THSD4: variants seen among roughly 807,000 people sequenced by gnomAD.
The protein encoded by THSD4 is thrombospondin type 1 domain containing 4.
A neutral mutation model predicts 119.0 loss-of-function variants in THSD4; 69 were observed. That is an observed-to-expected ratio of 0.58 (90% CI 0.48 to 0.71). THSD4 has a LOEUF of 0.71. Ranked by LOEUF, THSD4 falls within the 30% of genes least tolerant of loss-of-function variation. The pLI, the probability that THSD4 is intolerant of heterozygous loss-of-function variation, is 0.00. For synonymous variants in THSD4, 524 were observed against 540.4 expected, an observed-to-expected ratio of 0.97 and a Z score of 0.42; for missense variants, 1,393 against 1,391.1, an observed-to-expected ratio of 1.00 and a Z score of -0.02.
In THSD4 at chr15:71,421,317, T is replaced by TG. The variant is rs1219707062; in HGVS notation, c.1152+9494_1152+9495insG. On this transcript the variant is annotated intron_variant, in intron 7 of 17. Coordinates refer to ENST00000261862, the MANE Select transcript of THSD4 (RefSeq NM_024817.3). ...TTAACATCATTTTCTTTCTAGTCTC[T>TG]TTCTACTCCCTTTAGTATTTCTTGT... Among the ~76,000 whole-genome samples the TG allele has an allele frequency of 4.1e-4, 43 of 105,526 alleles. 1 individual carries two copies. In the Admixed American group the frequency reaches 4.5e-3, roughly 11 times the overall value. The allele number at this position is 105,526 out of a possible 152,430, so 69.2% of individuals were successfully genotyped here.
chr15:71,184,432 G>A (rs1002984217), intron 3 of THSD4, among the ~76,000 whole-genome samples: 3 of 151,802 alleles, frequency 2.0e-5, no homozygotes, highest in African/African-American at 7.2e-5. Flanking sequence ...CTTGTTAAGA[G>A]TTACACAGAT....
chr15:71,425,799 G>C (rs903978376), intron 7 of THSD4, among the ~76,000 whole-genome samples: 7 of 152,204 alleles, frequency 4.6e-5, no homozygotes, highest in Admixed American at 3.9e-4. Flanking sequence ...ACTCATCACA[G>C]AGTTTTCTCA....
chr15:71,569,075 C>A (rs1005650830), intron 7 of THSD4, among the ~76,000 whole-genome samples: 10 of 152,150 alleles, frequency 6.6e-5, no homozygotes, highest in Non-Finnish European at 1.5e-4. Flanking sequence ...GCCTTCTTTT[C>A]TAAAAATAGA....
chr15:71,126,189 A>G (rs1193604475), intron 1 of THSD4, among the ~76,000 whole-genome samples: 9 of 152,188 alleles, frequency 5.9e-5, no homozygotes, highest in Non-Finnish European at 1.2e-4. Context: ...CCTAGTGGAC[A>G]GTCAGGGCTC....
At position 71,449,341 on chromosome 15, in the gene THSD4, T is replaced by G. The variant is rs559275787; in HGVS notation, c.1152+37518T>G. Among the ~76,000 whole-genome samples, 133 of 152,328 alleles carry G rather than the reference T, an allele frequency of 8.7e-4. 3 individuals carry two copies. The South Asian group carries it at 0.026, about 30-fold the overall frequency. ...ACATTATTTGGGGGTACATTGATACTGTTTCTATGTGGCATTTCAGACACT... is the reference window on the plus strand; with the variant it reads ...ACATTATTTGGGGGTACATTGATACGGTTTCTATGTGGCATTTCAGACACT... On this transcript the variant is annotated intron_variant, in intron 7 of 17. Coordinates refer to ENST00000261862, the MANE Select transcript of THSD4 (RefSeq NM_024817.3).
At chr15:71,590,825 A>T (rs149903268) in intron 7 of THSD4, among the ~76,000 whole-genome samples, 2,152 of 151,908 alleles carry the variant, frequency 0.014, 20 homozygotes, top group Non-Finnish European at 0.02. Flanking sequence ...AACACGGTGA[A>T]ACCCTGTCTC....
intron 3 of THSD4, chr15:71,165,339 T>G: frequency 5.1e-6 from 8 of 1,557,238 alleles, no homozygotes; most frequent in Non-Finnish European, 7.0e-6. Context: ...CTTCTTCTTA[T>G]GCTCCTCCCG....
chr15:71,320,191 T>A (rs2045247872), intron 6 of THSD4, among the ~76,000 whole-genome samples: 1 of 152,206 alleles, frequency 6.6e-6, no homozygotes. Context: ...TATGTGAGGA[T>A]CATTCTGCAG....
At chr15:71,532,283 A>AGAGAGAGAGAGAGAGTGTGTGTGTGT (rs1379506089) in intron 7 of THSD4, among the ~76,000 whole-genome samples, 23 of 101,640 alleles carry the variant, frequency 2.3e-4, no homozygotes, top group Non-Finnish European at 4.6e-4. Context: ...AGAGAGAGAG[A>AGAGAGAGAGAGAGAGTGTGTGTGTGT]GTGTGTGTGT....
chr15:71,707,896 C>A (rs2052424245), intron 8 of THSD4, among the ~76,000 whole-genome samples: 1 of 152,226 alleles, frequency 6.6e-6, no homozygotes, highest in Non-Finnish European at 1.5e-5. Flanking sequence ...CAGCCTGATA[C>A]TTTCCAGGGC....
chr15:71,605,930 A>C (rs985980050), intron 7 of THSD4, among the ~76,000 whole-genome samples: 2 of 152,194 alleles, frequency 1.3e-5, no homozygotes, highest in Admixed American at 1.3e-4. Context: ...AGTAGCAACC[A>C]GAGACAGAGA....
At chr15:71,485,652 A>G (rs576557703) in intron 7 of THSD4, among the ~76,000 whole-genome samples, 8 of 152,190 alleles carry the variant, frequency 5.3e-5, no homozygotes, top group African/African-American at 1.9e-4. Context: ...CTTGCCCTCT[A>G]CAGACCACTT....
chr15:71,623,415 A>G (rs2050453420), intron 7 of THSD4, among the ~76,000 whole-genome samples: 1 of 152,204 alleles, frequency 6.6e-6, no homozygotes, highest in African/African-American at 2.4e-5. Flanking sequence ...AGATTTAGCA[A>G]CATAAAAGTA....
chr15:71,738,222 A>C, intron 11 of THSD4: 1 of 615,996 alleles, frequency 1.6e-6, no homozygotes, highest in South Asian at 2.0e-5. Flanking sequence ...CATAAGGAGC[A>C]TGCAACCTAG....
chr15:71,348,154 C>A (rs1469734185), intron 6 of THSD4: 1 of 152,188 alleles, frequency 6.6e-6, no homozygotes, highest in Admixed American at 6.5e-5. Context: ...GTTTTCAGGT[C>A]ATCCCTGGGA....
chr15:71,293,364 T>C (rs1221757253), intron 6 of THSD4, among the ~76,000 whole-genome samples: 6 of 152,138 alleles, frequency 3.9e-5, no homozygotes, highest in African/African-American at 1.4e-4. Context: ...TGGTTGGTGT[T>C]CTGGGTGCCC....
rs2052914184 is a variant in THSD4 at position 71,728,700 on chromosome 15, C to T, written c.1509C>T (p.Pro503=). The change falls in exon 9 of 18, where the codon CCC becomes CCT. Residue 503 remains proline, a synonymous_variant. Coordinates refer to ENST00000261862, the MANE Select transcript of THSD4 (RefSeq NM_024817.3). The part of the protein sequence containing the change: ...TAGESFLAEG[P]TNEILDVYMI... ...GAGAGTCCTTTTTGGCGGAAGGTCC[C>T]ACCAACGAGATCTTGGATGTCTACG... 6.2e-7 allele frequency: 1 copy of T among 1,614,164 alleles called. No individual in the cohort carries two copies. Among genetic ancestry groups the T allele is most frequent in the Non-Finnish European group, 8.5e-7 (1 of 1,180,032 alleles).
chr15:71,376,680 T>C (rs1199259421), intron 6 of THSD4, among the ~76,000 whole-genome samples: 1 of 152,208 alleles, frequency 6.6e-6, no homozygotes, highest in Non-Finnish European at 1.5e-5. Flanking sequence ...CTCCTCAACC[T>C]GTGCTAGTTA....
At chr15:71,138,863 TGTGTGTGTGTGTGA>T (rs1481793059) in intron 1 of THSD4, among the ~76,000 whole-genome samples, 2 of 149,616 alleles carry the variant, frequency 1.3e-5, no homozygotes, top group Admixed American at 1.3e-4. Context: ...AATTTCTTGG[TGTGTGTGTGTGTGA>T]GTGTGTGTGT....
Sources: allele counts gnomAD v4.1 joint callset (sites outside exome capture counted in the v4.1 genomes callset), GRCh38; gene constraint gnomAD v4.1.1; transcripts MANE v1.5; gene names NCBI Gene and HGNC (gene_info 2026-07-23, HGNC 2026-07-21).